SCN8A: variants seen among roughly 807,000 people sequenced by gnomAD.
SCN8A encodes the protein sodium channel protein type 8 subunit alpha.
In SCN8A, 30 loss-of-function variants were observed where a neutral mutation model predicts 184.1. The ratio of observed to expected loss-of-function variants is 0.16; its 90% confidence interval spans 0.12 to 0.22. The LOEUF (loss-of-function observed/expected upper bound fraction) is 0.22. Among genes scored for constraint, SCN8A ranks in the 10% least tolerant of loss-of-function variants. The probability of loss-of-function intolerance (pLI) is 1.00; values close to 1 mark genes in which losing one functional copy is unlikely to be tolerated. For missense variants in SCN8A, 1,057 were observed against 2,498.9 expected, an observed-to-expected ratio of 0.42 and a Z score of 12.30; for synonymous variants, 852 against 907.0, an observed-to-expected ratio of 0.94 and a Z score of 1.09.
At chr12:51,685,009 G>A (rs1240601156) in intron 3 of SCN8A, among the ~76,000 whole-genome samples, 5 of 152,144 alleles carry the variant, frequency 3.3e-5, no homozygotes, top group South Asian at 2.1e-4. Flanking sequence ...CCCATGCTTC[G>A]AAGATTACTG....
At chr12:51,780,031 T>C (rs963246573) in intron 20 of SCN8A, among the ~76,000 whole-genome samples, 6 of 152,244 alleles carry the variant, frequency 3.9e-5, no homozygotes, top group South Asian at 4.1e-4. Flanking sequence ...ATGGTACTTA[T>C]TGAACGTTTT....
intron 26 of SCN8A, among the ~76,000 whole-genome samples, chr12:51,804,957 G>C (rs1429628028): frequency 3.5e-5 from 1 of 28,758 alleles, no homozygotes; most frequent in Admixed American, 8.0e-4. Flanking sequence ...GCTAGCATTA[G>C]AGAATAAGTA....
intron 13 of SCN8A, among the ~76,000 whole-genome samples, chr12:51,746,749 G>C (rs1328529187): frequency 2.6e-5 from 4 of 152,162 alleles, no homozygotes; most frequent in Non-Finnish European, 5.9e-5. Context: ...TTTTCCATTA[G>C]GCCACAGTCC....
At chr12:51,745,100 G>A (rs1370039400) in intron 12 of SCN8A, among the ~76,000 whole-genome samples, 1 of 152,178 alleles carries the variant, frequency 6.6e-6, no homozygotes, top group Non-Finnish European at 1.5e-5. Flanking sequence ...ACGTAAGTCA[G>A]GGACATGAAG....
intron 20 of SCN8A, among the ~76,000 whole-genome samples, chr12:51,776,194 T>C (rs1937686840): frequency 6.6e-6 from 1 of 152,194 alleles, no homozygotes; most frequent in African/African-American, 2.4e-5. Flanking sequence ...TTCACCATGT[T>C]GCCCAGGCTG....
At chr12:51,673,591 G>A (rs1941170409) in intron 2 of SCN8A, among the ~76,000 whole-genome samples, 1 of 152,148 alleles carries the variant, frequency 6.6e-6, no homozygotes, top group South Asian at 2.1e-4. Flanking sequence ...ATAGTTAAAG[G>A]TTAGGTGATT....
intron 11 of SCN8A, among the ~76,000 whole-genome samples, chr12:51,707,094 T>C (rs1941797957): frequency 6.6e-6 from 1 of 152,190 alleles, no homozygotes; most frequent in Non-Finnish European, 1.5e-5. Flanking sequence ...ATATACTGCA[T>C]TTTCTTTATC....
chr12:51,657,210 C>T (rs1026908926), intron 1 of SCN8A, among the ~76,000 whole-genome samples: 3 of 152,024 alleles, frequency 2.0e-5, no homozygotes, highest in African/African-American at 7.2e-5. Context: ...ATATGTGGTA[C>T]AGTGTGATAT....
intron 1 of SCN8A, among the ~76,000 whole-genome samples, chr12:51,623,803 C>T (rs1032959775): frequency 1.2e-4 from 18 of 152,166 alleles, no homozygotes; most frequent in African/African-American, 4.3e-4. Context: ...TGTGATGTTC[C>T]CCTTCCTGTG....
chr12:51,721,953 C>A, intron 12 of SCN8A, 45 bp downstream of exon 12: 1 of 1,599,286 alleles, frequency 6.3e-7, no homozygotes, highest in Non-Finnish European at 8.5e-7. Context: ...TAAGGAAGAA[C>A]ACAAATAGAT....
In SCN8A at chr12:51,808,570, C is replaced by G. The variant is rs1249453959; in HGVS notation, c.*1141C>G. The G allele has an allele frequency of 6.6e-6, 1 of 152,464 alleles. No homozygotes were observed. The highest frequency in any genetic ancestry group is 1.5e-5 in the Non-Finnish European group (1 of 68,046). 9.4% of individuals were successfully genotyped at this position (152,464 alleles called of 1,614,324 possible). A position where few individuals can be genotyped will look rare whatever the true frequency, so the allele number is the denominator to read the frequency against. On this transcript the variant is annotated 3_prime_UTR_variant, in exon 27 of 27. Coordinates refer to ENST00000627620, the MANE Select transcript of SCN8A (RefSeq NM_001330260.2). Reference sequence around the variant, plus strand: ...TTATGACGATCGTTTAGCCTTCATACTGGAGAATTGACACTTATTTGGGGT... The same window carrying G: ...TTATGACGATCGTTTAGCCTTCATAGTGGAGAATTGACACTTATTTGGGGT...
intron 12 of SCN8A, among the ~76,000 whole-genome samples, chr12:51,741,517 T>A (rs1360483296): frequency 1.3e-5 from 2 of 152,186 alleles, no homozygotes; most frequent in Non-Finnish European, 2.9e-5. Context: ...TGTTTTCTGG[T>A]TGTTTTGCGG....
intron 12 of SCN8A, among the ~76,000 whole-genome samples, chr12:51,728,852 C>A (rs1942196258): frequency 6.6e-6 from 1 of 152,068 alleles, no homozygotes; most frequent in Non-Finnish European, 1.5e-5. Context: ...AAACATGCAC[C>A]CCCCAACCCA....
chr12:51,661,905 A>T (rs984465737), intron 1 of SCN8A, among the ~76,000 whole-genome samples: 1 of 152,236 alleles, frequency 6.6e-6, no homozygotes, highest in Non-Finnish European at 1.5e-5. Flanking sequence ...CTCTCATAAG[A>T]CATTACTTCA....
At chr12:51,710,598 G>A (rs1042481426) in intron 11 of SCN8A, among the ~76,000 whole-genome samples, 1 of 152,136 alleles carries the variant, frequency 6.6e-6, no homozygotes, top group African/African-American at 2.4e-5. Context: ...GGTTGAAGCT[G>A]CAGTGAGCTG....
chr12:51,790,532 G>A, intron 25 of SCN8A, 30 bp downstream of exon 25: 1 of 1,440,152 alleles, frequency 6.9e-7, no homozygotes, highest in South Asian at 1.2e-5. Flanking sequence ...TGAGGCCTTG[G>A]TGAGAACCCA....
chr12:51,773,453 A>G (rs1942960629), intron 19 of SCN8A, among the ~76,000 whole-genome samples: 1 of 152,212 alleles, frequency 6.6e-6, no homozygotes, highest in Admixed American at 6.5e-5. Context: ...CCCTCCACCC[A>G]TACTGTGGTG....
chr12:51,620,164 G>C lies in SCN8A; in HGVS notation c.-55+28805G>C, dbSNP rs563213060. Among the ~76,000 whole-genome samples, 15 of 152,220 alleles carry C rather than the reference G, an allele frequency of 9.9e-5. No individual in the cohort carries two copies. The South Asian group carries it at 1.7e-3, about 17-fold the overall frequency. ...ATAATTTTAAGTCAAAGCTTTCTTG[G>C]AAAATCTGAGATGCAGATTTTTCAA... On this transcript the variant is annotated intron_variant, in intron 1 of 26. Transcript: ENST00000627620.
At chr12:51,594,734 A>C (rs10876200) in intron 1 of SCN8A, among the ~76,000 whole-genome samples, 35,659 of 152,066 alleles carry the variant, frequency 0.23, 4,421 homozygotes, top group Non-Finnish European at 0.28. Context: ...CATCCTTACC[A>C]TCTTTGCTTC....
Sources: allele counts gnomAD v4.1 joint callset (sites outside exome capture counted in the v4.1 genomes callset), GRCh38; gene constraint gnomAD v4.1.1; transcripts MANE v1.5; gene names NCBI Gene and HGNC (gene_info 2026-07-23, HGNC 2026-07-21).